ZCWPW2: variants seen among roughly 807,000 people sequenced by gnomAD.
ZCWPW2 encodes zinc finger CW-type PWWP domain protein 2.
ZCWPW2 carries 45 observed loss-of-function variants against 46.6 expected under a neutral mutation model. The observed-to-expected ratio is 0.96, with a 90% CI of 0.76 to 1.24. The LOEUF is 1.24. ZCWPW2 is among the 50% of genes most tolerant of loss of function. The probability of loss-of-function intolerance (pLI) is 0.00; values close to 1 mark genes in which losing one functional copy is unlikely to be tolerated. For synonymous variants in ZCWPW2, 152 were observed against 137.1 expected, an observed-to-expected ratio of 1.11 and a Z score of -0.76; for missense variants, 429 against 403.9, an observed-to-expected ratio of 1.06 and a Z score of -0.53.
rs898834486 is a variant in ZCWPW2 at position 28,525,335 on chromosome 3, A to G, written c.*647A>G. Among the ~76,000 whole-genome samples, 4 of 152,146 alleles carry G rather than the reference A, an allele frequency of 2.6e-5. No individual in the cohort carries two copies. Among genetic ancestry groups the G allele is most frequent in the Non-Finnish European group, 5.9e-5 (4 of 68,014 alleles). On this transcript the variant is annotated 3_prime_UTR_variant, in exon 10 of 10. Coordinates refer to ENST00000383768, the MANE Select transcript of ZCWPW2 (RefSeq NM_001040432.4). ...TTTGGAGGTATCATCAGGAAGATGGAAAAATGTAATTTAAAGTGTATAGAG... is the reference window on the plus strand; with the variant it reads ...TTTGGAGGTATCATCAGGAAGATGGGAAAATGTAATTTAAAGTGTATAGAG...
chr3:28,434,345 T>C (rs1184795286), intron 3 of ZCWPW2, among the ~76,000 whole-genome samples: 1 of 151,698 alleles, frequency 6.6e-6, no homozygotes, highest in Non-Finnish European at 1.5e-5. Flanking sequence ...TATTATGAAA[T>C]AGAAAAACCA....
chr3:28,413,375 T>G lies in ZCWPW2; in HGVS notation c.307T>G (p.Leu103Val). 1 of 1,608,718 alleles carries G rather than the reference T, an allele frequency of 6.2e-7. No individual in the cohort carries two copies. The highest frequency in any genetic ancestry group is 8.5e-7 in the Non-Finnish European group (1 of 1,176,032). Residue 103 changes from leucine to valine, a missense_variant, in exon 3 of 10, where the codon TTG (leucine) becomes GTG (valine). Coordinates refer to ENST00000383768, the MANE Select transcript of ZCWPW2 (RefSeq NM_001040432.4). The part of the protein sequence containing the change: ...YSQLPLGSLV[L>V]VKLQNWPSWP... ...ACAGCTCCCTCTTGGAAGCCTGGTT[T>G]TGGTAAAATTACAGAATTGGCCAAG...
intron 4 of ZCWPW2, among the ~76,000 whole-genome samples, chr3:28,474,463 T>C (rs1212362181): frequency 6.6e-6 from 1 of 152,142 alleles, no homozygotes; most frequent in Non-Finnish European, 1.5e-5. Flanking sequence ...ACAACCTAAG[T>C]GTCCATCAGT....
At chr3:28,351,029 C>G (rs1281404300) in intron 1 of ZCWPW2, among the ~76,000 whole-genome samples, 1 of 151,636 alleles carries the variant, frequency 6.6e-6, no homozygotes, top group Non-Finnish European at 1.5e-5. Context: ...ATTACATCAT[C>G]TAAAAAGCTG....
chr3:28,361,251 A>G (rs906796233), intron 1 of ZCWPW2, among the ~76,000 whole-genome samples: 4 of 152,152 alleles, frequency 2.6e-5, no homozygotes, highest in Non-Finnish European at 5.9e-5. Flanking sequence ...ATCTTCAACA[A>G]AGATGCCAGA....
rs138215149 is a variant in ZCWPW2, at chr3:28,430,460, G to A, written c.333-4650G>A. Among the ~76,000 whole-genome samples the A allele has an allele frequency of 8.4e-3, 1,274 of 152,346 alleles. 12 individuals carry two copies. The highest frequency in any genetic ancestry group is 0.037 in the Middle Eastern group (11 of 294). ...TTTTGATTTCACAGGCTTATAGACA[G>A]AAGGGACTTGCCTTGTCTCAGATGA... On this transcript the variant is annotated intron_variant, in intron 3 of 9. Transcript: ENST00000383768.
intron 5 of ZCWPW2, among the ~76,000 whole-genome samples, chr3:28,485,350 G>A (rs766770518): frequency 6.6e-6 from 1 of 151,958 alleles, no homozygotes; most frequent in Non-Finnish European, 1.5e-5. Flanking sequence ...GTTTCATGTG[G>A]GCATAAGAAG....
At chr3:28,439,305 G>T (rs573126717) in intron 4 of ZCWPW2, among the ~76,000 whole-genome samples, 1 of 152,102 alleles carries the variant, frequency 6.6e-6, no homozygotes, top group East Asian at 1.9e-4. Context: ...TTAAGGGCAG[G>T]AAGCATCCAG....
chr3:28,477,883 C>A (rs2125803629), intron 4 of ZCWPW2, among the ~76,000 whole-genome samples: 1 of 152,008 alleles, frequency 6.6e-6, no homozygotes, highest in South Asian at 2.1e-4. Context: ...TATAAAAATC[C>A]TTTTTGCTGA....
intron 3 of ZCWPW2, among the ~76,000 whole-genome samples, chr3:28,433,755 TAAAAA>T (rs573649203): frequency 7.5e-6 from 1 of 133,508 alleles, no homozygotes; most frequent in Non-Finnish European, 1.6e-5. Flanking sequence ...GACTCCCTCT[TAAAAA>T]AAAAAAAAAC....
intron 3 of ZCWPW2, among the ~76,000 whole-genome samples, chr3:28,427,635 G>A (rs544625832): frequency 1.2e-4 from 18 of 152,100 alleles, no homozygotes; most frequent in East Asian, 9.7e-4. Context: ...TTTGAGGGTC[G>A]TCTCTGTTTT....
chr3:28,425,864 C>A (rs1362495779), intron 3 of ZCWPW2, among the ~76,000 whole-genome samples: 1 of 152,122 alleles, frequency 6.6e-6, no homozygotes, highest in African/African-American at 2.4e-5. Flanking sequence ...AATCCCAGCA[C>A]TTTGGGAGGC....
chr3:28,349,237 C>G (rs948870664), intron 1 of ZCWPW2, 34 bp downstream of exon 1: 1 of 981,366 alleles, frequency 1.0e-6, no homozygotes, highest in Non-Finnish European at 1.2e-6. Context: ...GTCTGTTGGG[C>G]CGAGGTCCCC....
intron 6 of ZCWPW2, among the ~76,000 whole-genome samples, chr3:28,504,007 G>A (rs1000379442): frequency 2.8e-4 from 42 of 152,008 alleles, no homozygotes; most frequent in African/African-American, 8.9e-4. Context: ...ACAAGCCTGG[G>A]TAACATCGTG....
intron 1 of ZCWPW2, among the ~76,000 whole-genome samples, chr3:28,365,179 T>C (rs1203901805): frequency 6.7e-6 from 1 of 149,794 alleles, no homozygotes; most frequent in African/African-American, 2.4e-5. Context: ...ATTTTGGCTT[T>C]TGTTGCCATT....
At chr3:28,504,782 G>A (rs1353833887) in intron 6 of ZCWPW2, among the ~76,000 whole-genome samples, 1 of 152,114 alleles carries the variant, frequency 6.6e-6, no homozygotes, top group Non-Finnish European at 1.5e-5. Context: ...CTAATTTACT[G>A]GTTTTATTCA....
chr3:28,396,989 C>T (rs535870235), intron 2 of ZCWPW2, among the ~76,000 whole-genome samples: 64 of 152,076 alleles, frequency 4.2e-4, no homozygotes, highest in Middle Eastern at 3.4e-3. Context: ...ATTAGCTGGG[C>T]GTGGTGGCAC....
intron 1 of ZCWPW2, among the ~76,000 whole-genome samples, chr3:28,374,167 A>G (rs1008896320): frequency 1.3e-5 from 2 of 152,124 alleles, no homozygotes; most frequent in Non-Finnish European, 2.9e-5. Flanking sequence ...TGATTCTTGT[A>G]CATGGTGAGT....
intron 1 of ZCWPW2, among the ~76,000 whole-genome samples, chr3:28,357,948 A>G (rs1025394107): frequency 2.0e-5 from 3 of 151,688 alleles, no homozygotes; most frequent in African/African-American, 4.8e-5. Flanking sequence ...TGAATTGCCT[A>G]TGAATCAGTA....
Sources: gnomAD v4.1 joint callset for allele counts (sites outside exome capture counted in the v4.1 genomes callset) on GRCh38, gnomAD v4.1.1 for gene constraint, MANE v1.5 for transcripts, NCBI Gene and HGNC (gene_info 2026-07-23, HGNC 2026-07-21) for gene names.